The following RAD51B variants were observed in gnomAD, a reference collection of about 807,000 sequenced individuals.
RAD51B encodes the protein RAD51 paralog B, also known as DNA repair protein RAD51 homolog 2.
RAD51B carries 38 observed loss-of-function variants against 42.2 expected under a neutral mutation model. The ratio of observed to expected loss-of-function variants is 0.90; its 90% CI spans 0.70 to 1.18. RAD51B has a LOEUF of 1.18. RAD51B is among the 50% of genes most tolerant of loss of function. The pLI is 0.00. For synonymous variants in RAD51B, 154 were observed against 145.2 expected (o/e 1.06, Z -0.43); for missense variants, 373 against 400.7 (o/e 0.93, Z 0.59).
chr14:68,578,532 CA>C (rs1201823417), intron 10 of RAD51B, among the ~76,000 whole-genome samples: 1 of 152,176 alleles, frequency 6.6e-6, no homozygotes, highest in Admixed American at 6.5e-5. Flanking sequence ...ACTTCCTATG[CA>C]ATTAGTATAA....
At chr14:68,034,957 T>C (rs2076098653) in intron 7 of RAD51B, among the ~76,000 whole-genome samples, 1 of 152,176 alleles carries the variant, frequency 6.6e-6, no homozygotes, top group Non-Finnish European at 1.5e-5. Flanking sequence ...AGGATTTGAC[T>C]GAAGGGAATT....
intron 7 of RAD51B, among the ~76,000 whole-genome samples, chr14:67,924,680 T>G (rs2044443331): frequency 6.6e-6 from 1 of 152,152 alleles, no homozygotes; most frequent in African/African-American, 2.4e-5. Flanking sequence ...CCCCTGTAAT[T>G]CAGTCACCTC....
chr14:68,074,895 CT>C (rs2076807839), intron 7 of RAD51B, among the ~76,000 whole-genome samples: 1 of 152,230 alleles, frequency 6.6e-6, no homozygotes, highest in African/African-American at 2.4e-5. Context: ...TGTGGCTCCT[CT>C]GCATTTCCTT....
chr14:68,523,102 T>A (rs1019518286), intron 10 of RAD51B, among the ~76,000 whole-genome samples: 5 of 152,196 alleles, frequency 3.3e-5, no homozygotes, highest in Non-Finnish European at 7.3e-5. Flanking sequence ...TGAGGAATTT[T>A]TGTGGCCTGT....
chr14:68,501,385 T>C (rs1884905688), intron 10 of RAD51B, among the ~76,000 whole-genome samples: 1 of 152,192 alleles, frequency 6.6e-6, no homozygotes, highest in South Asian at 2.1e-4. Context: ...ATTTTAAATA[T>C]GAGGAAACCA....
intron 7 of RAD51B, among the ~76,000 whole-genome samples, chr14:67,905,556 T>C (rs2043755971): frequency 6.6e-6 from 1 of 152,104 alleles, no homozygotes; most frequent in South Asian, 2.1e-4. Context: ...ATGGAATGTT[T>C]TTCCATTTGT....
intron 7 of RAD51B, among the ~76,000 whole-genome samples, chr14:68,127,617 ACACACACACAC>A (rs2077791768): frequency 2.2e-5 from 2 of 92,798 alleles, no homozygotes; most frequent in Non-Finnish European, 4.4e-5. Context: ...ACACACACAC[ACACACACACAC>A]ACACACACAC....
chr14:68,561,269 A>G (rs1889134523), intron 10 of RAD51B, among the ~76,000 whole-genome samples: 2 of 152,208 alleles, frequency 1.3e-5, no homozygotes, highest in South Asian at 4.1e-4. Flanking sequence ...CTCAAATTTA[A>G]GGATCATTTA....
At chr14:68,095,971 CAAAAAAA>C (rs56862052) in intron 7 of RAD51B, among the ~76,000 whole-genome samples, 8 of 62,632 alleles carry the variant, frequency 1.3e-4, no homozygotes, top group Admixed American at 8.5e-4. Flanking sequence ...GACTCCGTCT[CAAAAAAA>C]AAAAAAAAAA....
At chr14:68,345,328 T>C (rs1333083686) in intron 8 of RAD51B, among the ~76,000 whole-genome samples, 1 of 152,214 alleles carries the variant, frequency 6.6e-6, no homozygotes, top group Admixed American at 6.5e-5. Context: ...CCAAATCTCA[T>C]GTTAAAATCC....
At chr14:67,865,340 G>A (rs1475133996) in intron 5 of RAD51B, among the ~76,000 whole-genome samples, 1 of 150,506 alleles carries the variant, frequency 6.6e-6, no homozygotes, top group East Asian at 2.0e-4. Context: ...GGGTTCAAGC[G>A]ATTCTCCTGC....
intron 7 of RAD51B, among the ~76,000 whole-genome samples, chr14:68,169,498 G>A (rs182968386): frequency 1.7e-4 from 26 of 152,030 alleles, no homozygotes; most frequent in African/African-American, 6.0e-4. Context: ...GTTTTATATC[G>A]TAAGTTGAGT....
chr14:68,599,188 A>G (rs1403435404), downstream of RAD51B, among the ~76,000 whole-genome samples: 1 of 152,202 alleles, frequency 6.6e-6, no homozygotes, highest in African/African-American at 2.4e-5. Context: ...GAGTGGTGGT[A>G]GTGTGGGCAT....
At chr14:68,480,546 GA>G (rs765359967), downstream of RAD51B, among the ~76,000 whole-genome samples, 3 of 152,074 alleles carry the variant, frequency 2.0e-5, no homozygotes, top group Non-Finnish European at 4.4e-5. Flanking sequence ...CAAAAAGCTG[GA>G]AAAATTAGAA....
At chr14:68,413,287 A>G (rs1366568730) in intron 9 of RAD51B, among the ~76,000 whole-genome samples, 1 of 152,150 alleles carries the variant, frequency 6.6e-6, no homozygotes, top group Non-Finnish European at 1.5e-5. Flanking sequence ...CTTTTGGCTG[A>G]TAAGGTCAAA....
intron 1 of RAD51B, chr14:67,822,456 C>A (rs1473231148): frequency 6.6e-6 from 1 of 152,312 alleles, no homozygotes; most frequent in Non-Finnish European, 1.5e-5. Flanking sequence ...GCGAGAGGAT[C>A]ACTTGAGCCC....
At chr14:68,664,778 C>T (rs1379718418) in intron 11 of RAD51B, among the ~76,000 whole-genome samples, 3 of 152,198 alleles carry the variant, frequency 2.0e-5, no homozygotes, top group Non-Finnish European at 4.4e-5. Flanking sequence ...GTCCACTCAT[C>T]CTCTGGGCCA....
chr14:68,187,921 TCTC>T (rs374113183), intron 7 of RAD51B, among the ~76,000 whole-genome samples: 109 of 152,274 alleles, frequency 7.2e-4, no homozygotes, highest in African/African-American at 2.2e-3. Context: ...TCAAAGCTAT[TCTC>T]CTGCCTCAGC....
intron 7 of RAD51B, among the ~76,000 whole-genome samples, chr14:68,017,836 T>G (rs1345122914): frequency 1.3e-5 from 2 of 152,056 alleles, no homozygotes; most frequent in African/African-American, 4.8e-5. Context: ...CTGAGTGTGG[T>G]GGCACGCACC....
Sources: allele counts gnomAD v4.1 joint callset (sites outside exome capture counted in the v4.1 genomes callset), GRCh38; gene constraint gnomAD v4.1.1; transcripts MANE v1.5; gene names NCBI Gene and HGNC (gene_info 2026-07-23, HGNC 2026-07-21).